COL22A1: variants seen among roughly 807,000 people sequenced by gnomAD.
COL22A1 encodes collagen type XXII alpha 1 chain, also known as collagen alpha-1(XXII) chain.
COL22A1 carries 221 observed loss-of-function variants against 248.9 expected under a neutral mutation model. That is an observed-to-expected ratio of 0.89 (90% CI 0.80 to 0.99). The LOEUF is 0.99. Ranked by LOEUF, COL22A1 falls within the 50% of genes least tolerant of loss-of-function variation. The pLI, the probability that COL22A1 is intolerant of heterozygous loss-of-function variation, is 0.00. For synonymous variants in COL22A1, 891 were observed against 793.4 expected, an observed-to-expected ratio of 1.12 and a Z score of -2.07; for missense variants, 2,240 against 2,179.0, an observed-to-expected ratio of 1.03 and a Z score of -0.56.
rs1448720257 is a variant in COL22A1 at position 138,602,134 on chromosome 8, G to T, written c.4166C>A (p.Pro1389His). The change falls in exon 60 of 65, where the codon CCT becomes CAT. Residue 1389 changes from proline to histidine, a missense_variant. Coordinates refer to ENST00000303045, the MANE Select transcript of COL22A1 (RefSeq NM_152888.3). ...KEGVPGKPGE[P>H]GFKGERGDPG... ...ACTCACCCTTTCTCCTTTGAATCCA[G>T]GCTCTCCAGGCTTCCCAGGGACCCC... 1.2e-6 allele frequency: 2 copies of T among 1,614,018 alleles called. No individual in the cohort carries two copies. The highest frequency in any genetic ancestry group is 1.7e-6 in the Non-Finnish European group (2 of 1,180,038).
At chr8:138,656,041 A>G in intron 44 of COL22A1, 97 bp from the exon 45 acceptor site, 3 of 964,640 alleles carry the variant, frequency 3.1e-6, no homozygotes, top group Non-Finnish European at 4.9e-6. Context: ...AGTGTGACAC[A>G]ATACGTGACA....
At chr8:138,871,782 A>G (rs930274238) in intron 3 of COL22A1, among the ~76,000 whole-genome samples, 2 of 152,232 alleles carry the variant, frequency 1.3e-5, no homozygotes, top group African/African-American at 4.8e-5. Context: ...GTCCATTCCC[A>G]ACTATATATA....
At chr8:138,782,304 ACCT>A (rs1228842173) in intron 12 of COL22A1, among the ~76,000 whole-genome samples, 1 of 151,954 alleles carries the variant, frequency 6.6e-6, no homozygotes. Flanking sequence ...TGCAGCCTTG[ACCT>A]CCTCGGCTCA....
At chr8:138,655,719 G>A (rs541975250) in intron 45 of COL22A1, among the ~76,000 whole-genome samples, 178 bp downstream of exon 45, 1 of 152,096 alleles carries the variant, frequency 6.6e-6, no homozygotes, top group South Asian at 2.1e-4. Flanking sequence ...TGGCTGTTGT[G>A]TTGGACAGGG....
chr8:138,685,664 A>ACTCTT (rs1564191559), intron 37 of COL22A1, among the ~76,000 whole-genome samples: 7 of 152,148 alleles, frequency 4.6e-5, no homozygotes, highest in African/African-American at 1.4e-4. Context: ...TAGAGGCAAG[A>ACTCTT]GGACACAAAT....
rs1329494994 is a variant in COL22A1 at position 138,806,189 on chromosome 8, ATGG to A, written c.1494+1576_1494+1578del. 4.6e-3 allele frequency among the ~76,000 whole-genome samples: 89 copies of A among 19,450 alleles called. 1 individual carries two copies. Among genetic ancestry groups the A allele is most frequent in the Middle Eastern group, 0.1 (2 of 20 alleles). 12.8% of individuals were successfully genotyped at this position (19,450 alleles called of 152,430 possible). A position where few individuals can be genotyped will look rare whatever the true frequency, so the allele number is the denominator to read the frequency against. On this transcript the variant is annotated intron_variant, in intron 10 of 64. Transcript: ENST00000303045. ...GTGATGGTGTAAGTAATGGTGTGTG[ATGG>A]TGTGTGTGTGATGGCATGTGTATGT...
chr8:138,688,896 G>A lies in COL22A1; in HGVS notation c.2862+21C>T, dbSNP rs373943445. The A allele has an allele frequency of 4.4e-6, 7 of 1,604,956 alleles. No individual in the cohort carries two copies. In the African/African-American group the frequency reaches 8.0e-5, roughly 18 times the overall value. ...AGTTAAGGATATTCACTTGTGTGCT[G>A]AGAGATCATATTGGTCTTACCTTCT... On this transcript the variant is annotated intron_variant, in intron 37 of 64. Transcript: ENST00000303045.
chr8:138,695,050 C>T (rs930180751), intron 32 of COL22A1, among the ~76,000 whole-genome samples, 171 bp from the exon 33 acceptor site: 1 of 152,180 alleles, frequency 6.6e-6, no homozygotes, highest in African/African-American at 2.4e-5. Flanking sequence ...CCCTCCTACT[C>T]CCCAGGACTG....
intron 16 of COL22A1, among the ~76,000 whole-genome samples, chr8:138,769,081 T>C (rs1834146067): frequency 2.0e-5 from 3 of 152,126 alleles, no homozygotes; most frequent in Non-Finnish European, 4.4e-5. Context: ...TCTCTTCCTC[T>C]CTCCTGACAC....
At chr8:138,904,373 T>G (rs985639113) in intron 1 of COL22A1, among the ~76,000 whole-genome samples, 1 of 151,908 alleles carries the variant, frequency 6.6e-6, no homozygotes, top group Non-Finnish European at 1.5e-5. Flanking sequence ...CACCCCCTGC[T>G]GGCCCAACCC....
intron 42 of COL22A1, 84 bp from the exon 43 acceptor site, chr8:138,662,167 C>T (rs1824025139): frequency 1.8e-6 from 2 of 1,113,424 alleles, no homozygotes; most frequent in Non-Finnish European, 2.7e-6. Flanking sequence ...AGTTGGCTCT[C>T]CTTCAACACA....
At chr8:138,722,528 G>A (rs1829953360) in intron 25 of COL22A1, among the ~76,000 whole-genome samples, 1 of 152,132 alleles carries the variant, frequency 6.6e-6, no homozygotes, top group South Asian at 2.1e-4. Flanking sequence ...CTTCAAAAAA[G>A]CAAAACCTCA....
In COL22A1 at chr8:138,883,167, G is replaced by T. The variant is rs147567223; in HGVS notation, c.6C>A (p.Ala2=). M[A]GLRGNAVAGL... is the part of the protein sequence containing the mutation. ...CAGCCACAGCGTTCCCTCGGAGGCC[G>T]GCCATGGCTCTCCTGTTCTTGGGGA... The change falls in exon 2 of 65, where the codon GCC becomes GCA. Residue 2 remains alanine, a synonymous_variant. Transcript: ENST00000303045. 26 of 1,588,700 alleles carry T rather than the reference G, an allele frequency of 1.6e-5. No homozygotes were observed. Among genetic ancestry groups the T allele is most frequent in the Non-Finnish European group, 2.1e-5 (25 of 1,167,902 alleles).
intron 45 of COL22A1, among the ~76,000 whole-genome samples, chr8:138,655,023 A>G (rs1823104978): frequency 6.6e-6 from 1 of 152,170 alleles, no homozygotes; most frequent in Admixed American, 6.5e-5. Flanking sequence ...CTTTGAGAAC[A>G]TGAGTTAGTC....
intron 30 of COL22A1, among the ~76,000 whole-genome samples, chr8:138,707,124 C>G (rs1332236698): frequency 6.6e-6 from 1 of 152,138 alleles, no homozygotes; most frequent in Admixed American, 6.5e-5. Flanking sequence ...ATAACAGGCT[C>G]TGAAATTGAG....
chr8:138,886,271 C>G (rs1478335761), intron 1 of COL22A1, among the ~76,000 whole-genome samples: 1 of 152,176 alleles, frequency 6.6e-6, no homozygotes, highest in Non-Finnish European at 1.5e-5. Flanking sequence ...CCCAGGGCCT[C>G]TCTCCCCCGT....
chr8:138,610,567 G>A (rs1241240824), intron 56 of COL22A1, among the ~76,000 whole-genome samples: 1 of 152,236 alleles, frequency 6.6e-6, no homozygotes, highest in African/African-American at 2.4e-5. Flanking sequence ...AACTTCAGCA[G>A]CTCATTTTTG....
At position 138,722,026 on chromosome 8, in the gene COL22A1, A is replaced by C. The variant is rs1408808275; in HGVS notation, c.2301+10T>G. 1 of 1,568,388 alleles carries C rather than the reference A, an allele frequency of 6.4e-7. No homozygotes were observed. Among genetic ancestry groups the C allele is most frequent in the Admixed American group, 1.9e-5 (1 of 53,796 alleles). On this transcript the variant is annotated intron_variant, in intron 26 of 64. Coordinates refer to ENST00000303045, the MANE Select transcript of COL22A1 (RefSeq NM_152888.3). ...TTCCCAAACTGGTGCCAACCGCATC[A>C]GTGACCAACCTTGGTTCCTGGCGGA...
chr8:138,633,361 T>A (rs1343027262), intron 49 of COL22A1, among the ~76,000 whole-genome samples: 1 of 152,166 alleles, frequency 6.6e-6, no homozygotes, highest in African/African-American at 2.4e-5. Flanking sequence ...CTCCAATACA[T>A]CATCTAGCAT....
Sources: gnomAD v4.1 joint callset for allele counts (sites outside exome capture counted in the v4.1 genomes callset) on GRCh38, gnomAD v4.1.1 for gene constraint, MANE v1.5 for transcripts, NCBI Gene and HGNC (gene_info 2026-07-23, HGNC 2026-07-21) for gene names.